Variants in MGAT4C observed in about 807,000 individuals in gnomAD.
MGAT4C encodes MGAT4 family member C, also known as alpha-1,3-mannosyl-glycoprotein 4-beta-N-acetylglucosaminyltransferase C.
Under a neutral mutation model 40.1 loss-of-function variants are expected in MGAT4C, and 19 were observed. That is an observed-to-expected ratio of 0.47 (90% confidence interval 0.33 to 0.70). MGAT4C has a LOEUF of 0.70. Ranked by LOEUF, MGAT4C falls within the 30% of genes least tolerant of loss-of-function variation. The probability of loss-of-function intolerance (pLI) is 0.02; values close to 1 mark genes in which losing one functional copy is unlikely to be tolerated. For missense variants in MGAT4C, 491 were observed against 563.2 expected (o/e 0.87, Z 1.30); for synonymous variants, 181 against 187.1 (o/e 0.97, Z 0.27).
chr12:86,297,901 A>G (rs1398928714), intron 4 of MGAT4C, among the ~76,000 whole-genome samples: 1 of 152,218 alleles, frequency 6.6e-6, no homozygotes, highest in African/African-American at 2.4e-5. Flanking sequence ...TAAACATGAC[A>G]TCAAAAATCA....
At chr12:86,160,006 A>C (rs1885414875) in intron 1 of MGAT4C, among the ~76,000 whole-genome samples, 1 of 151,966 alleles carries the variant, frequency 6.6e-6, no homozygotes, top group African/African-American at 2.4e-5. Flanking sequence ...GGTTACGTTG[A>C]TCTTTTTATA....
chr12:86,299,319 G>C (rs2136137616), intron 4 of MGAT4C, among the ~76,000 whole-genome samples: 1 of 152,136 alleles, frequency 6.6e-6, no homozygotes, highest in East Asian at 1.9e-4. Context: ...GGGTTTTACC[G>C]TGTTAGCCAG....
chr12:86,140,851 T>C (rs1882736676), intron 1 of MGAT4C, among the ~76,000 whole-genome samples: 1 of 152,170 alleles, frequency 6.6e-6, no homozygotes, highest in African/African-American at 2.4e-5. Flanking sequence ...ATAGTTTATA[T>C]TAATTTTCAT....
At chr12:86,788,126 C>A (rs1212191617) in intron 1 of MGAT4C, among the ~76,000 whole-genome samples, 2 of 149,720 alleles carry the variant, frequency 1.3e-5, no homozygotes, top group East Asian at 2.0e-4. Context: ...TTTATGGGTG[C>A]TATATATATA....
At chr12:86,774,361 T>G (rs1951711502) in intron 1 of MGAT4C, among the ~76,000 whole-genome samples, 1 of 46,594 alleles carries the variant, frequency 2.1e-5, no homozygotes, top group African/African-American at 5.3e-5. Flanking sequence ...CTCCCCTCTC[T>G]CTCTCTCTCT....
At chr12:86,476,392 TC>T (rs1306346662) in intron 2 of MGAT4C, among the ~76,000 whole-genome samples, 1 of 152,048 alleles carries the variant, frequency 6.6e-6, no homozygotes, top group Non-Finnish European at 1.5e-5. Context: ...TGAAATACCA[TC>T]CCATTTTCTG....
At chr12:86,292,907 A>G (rs755019558) in intron 4 of MGAT4C, among the ~76,000 whole-genome samples, 14 of 152,074 alleles carry the variant, frequency 9.2e-5, no homozygotes, top group Non-Finnish European at 1.9e-4. Context: ...TAATGGGATT[A>G]AAGGGCTTGT....
chr12:86,598,857 C>G (rs1961647257), intron 2 of MGAT4C, among the ~76,000 whole-genome samples: 1 of 152,118 alleles, frequency 6.6e-6, no homozygotes, highest in African/African-American at 2.4e-5. Context: ...CTGATATTCA[C>G]ATATATTCAC....
intron 2 of MGAT4C, among the ~76,000 whole-genome samples, chr12:86,655,481 TTTC>T (rs1963823527): frequency 6.6e-6 from 1 of 152,128 alleles, no homozygotes; most frequent in Non-Finnish European, 1.5e-5. Flanking sequence ...AGTCCTGGGC[TTTC>T]TTATCATTCT....
chr12:86,830,896 T>C (rs1162623945), intron 1 of MGAT4C, among the ~76,000 whole-genome samples: 1 of 151,840 alleles, frequency 6.6e-6, no homozygotes, highest in African/African-American at 2.4e-5. Flanking sequence ...TCATGGCCTA[T>C]GTGGGCATTT....
intron 1 of MGAT4C, among the ~76,000 whole-genome samples, chr12:86,243,362 T>C (rs999292069): frequency 6.6e-6 from 1 of 152,216 alleles, no homozygotes; most frequent in Non-Finnish European, 1.5e-5. Context: ...TCTGTGATTG[T>C]TCCCTGTGGT....
At chr12:86,482,647 G>A (rs1957956409) in intron 2 of MGAT4C, among the ~76,000 whole-genome samples, 1 of 151,958 alleles carries the variant, frequency 6.6e-6, no homozygotes, top group Admixed American at 6.6e-5. Flanking sequence ...ATTTTTAGAA[G>A]TGTTTTCGTA....
chr12:86,219,057 G>A (rs1335316289), intron 1 of MGAT4C, among the ~76,000 whole-genome samples: 1 of 152,058 alleles, frequency 6.6e-6, no homozygotes, highest in African/African-American at 2.4e-5. Context: ...GCAGGCACCT[G>A]TAGTCCCAGC....
chr12:86,171,712 A>G (rs543796583), intron 1 of MGAT4C, among the ~76,000 whole-genome samples: 4 of 152,292 alleles, frequency 2.6e-5, no homozygotes, highest in African/African-American at 9.6e-5. Context: ...CCAAGTCATA[A>G]TTACATTATA....
In MGAT4C at chr12:85,960,434, C is replaced by A. The variant is rs1883051375; in HGVS notation, c.*18855G>T. 6.6e-6 allele frequency: 1 copy of A among 152,012 alleles called. No individual in the cohort carries two copies. Among genetic ancestry groups the A allele is most frequent in the Admixed American group, 6.6e-5 (1 of 15,238 alleles). 9.4% of individuals were successfully genotyped at this position (152,012 alleles called of 1,614,324 possible). A position where few individuals can be genotyped will look rare whatever the true frequency, so the allele number is the denominator to read the frequency against. ...AATAAGGATAACAATACTTATCACA[C>A]AGATTTGTGGTCTGAATCACATGAG... On this transcript the variant is annotated 3_prime_UTR_variant, in exon 5 of 5. Transcript: ENST00000611864.
chr12:86,193,529 GA>G (rs1027392513), intron 1 of MGAT4C, among the ~76,000 whole-genome samples: 1 of 151,766 alleles, frequency 6.6e-6, no homozygotes, highest in Admixed American at 6.6e-5. Flanking sequence ...TCCTTTGCAG[GA>G]AAAAAACTCA....
chr12:86,011,498 C>T (rs1227367276), intron 2 of MGAT4C, among the ~76,000 whole-genome samples: 1 of 152,084 alleles, frequency 6.6e-6, no homozygotes, highest in African/African-American at 2.4e-5. Flanking sequence ...TTCTGCCTGA[C>T]CATCAACCAG....
chr12:86,107,389 C>A (rs1010707498), intron 1 of MGAT4C, among the ~76,000 whole-genome samples: 1 of 151,814 alleles, frequency 6.6e-6, no homozygotes, highest in Non-Finnish European at 1.5e-5. Context: ...TTTTAAGGAA[C>A]AAGATGATAA....
At position 85,979,856 on chromosome 12, in the gene MGAT4C, A is replaced by G; in HGVS notation, c.870T>C (p.Thr290=). 6.2e-7 allele frequency: 1 copy of G among 1,613,772 alleles called. No individual in the cohort carries two copies. The highest frequency in any genetic ancestry group is 8.5e-7 in the Non-Finnish European group (1 of 1,179,804). ...YQEMPCDWLL[T]HFRGLLAQKN... ...TCTGAGCCAACAGACCACGGAAATG[A>G]GTCAATAGCCAATCACAAGGCATTT... The change falls in exon 5 of 5, where the codon ACT becomes ACC. Residue 290 remains threonine, a synonymous_variant. Coordinates refer to ENST00000611864, the MANE Select transcript of MGAT4C (RefSeq NM_001351288.2).
Sources: gnomAD v4.1 joint callset for allele counts (sites outside exome capture counted in the v4.1 genomes callset) on GRCh38, gnomAD v4.1.1 for gene constraint, MANE v1.5 for transcripts, NCBI Gene and HGNC (gene_info 2026-07-23, HGNC 2026-07-21) for gene names.